The following CNBD1 variants were observed in gnomAD, a reference collection of about 807,000 sequenced individuals.
The protein encoded by CNBD1 is cyclic nucleotide binding domain containing 1.
A neutral mutation model predicts 54.4 loss-of-function variants in CNBD1; 71 were observed. The observed-to-expected ratio is 1.30, with a 90% CI of 1.08 to 1.59. The LOEUF (loss-of-function observed/expected upper bound fraction) is 1.59, where lower values mean the gene tolerates loss of function less well. CNBD1 is among the 40% of genes most tolerant of loss of function. CNBD1 has a pLI of 0.00. For synonymous variants in CNBD1, 182 were observed against 170.7 expected (o/e 1.07, Z -0.51); for missense variants, 659 against 518.0 (o/e 1.27, Z -2.64).
chr8:87,249,364 C>T (rs1563523562), intron 6 of CNBD1, among the ~76,000 whole-genome samples: 2 of 152,082 alleles, frequency 1.3e-5, no homozygotes, highest in Admixed American at 6.6e-5. Context: ...TTGCCCATTG[C>T]TTGTGCTGTG....
downstream of CNBD1, among the ~76,000 whole-genome samples, chr8:87,383,332 T>A (rs1273286499): frequency 6.6e-6 from 1 of 152,156 alleles, no homozygotes; most frequent in South Asian, 2.1e-4. Flanking sequence ...CCTGGTGCCA[T>A]GCCCATTTGA....
chr8:87,424,254 G>GT lies in CNBD1; in HGVS notation c.214-4286dup, dbSNP rs1268635256. ...CCTGGATTCATTAATTTTTTGAAGGGTTTTTTGTGTCTCTATTTCCTTCAG... is the reference window on the plus strand; with the variant it reads ...CCTGGATTCATTAATTTTTTGAAGGGTTTTTTTGTGTCTCTATTTCCTTCAG... On this transcript the variant is annotated intron_variant, in intron 2 of 7. Coordinates refer to the CNBD1 transcript ENST00000521593. 1.2e-4 allele frequency among the ~76,000 whole-genome samples: 18 copies of GT among 151,960 alleles called. No individual in the cohort carries two copies. In the Middle Eastern group the frequency reaches 0.017, roughly 145 times the overall value.
intron 3 of CNBD1, among the ~76,000 whole-genome samples, chr8:86,909,326 ACTTT>A (rs1809065840): frequency 6.6e-6 from 1 of 152,176 alleles, no homozygotes; most frequent in Admixed American, 6.5e-5. Flanking sequence ...TTATTTTAGA[ACTTT>A]CTTTTTCACA....
chr8:87,200,434 TAAATG>T (rs1197419554), intron 4 of CNBD1, among the ~76,000 whole-genome samples: 4 of 151,602 alleles, frequency 2.6e-5, no homozygotes, highest in South Asian at 2.1e-4. Flanking sequence ...CTAAAAGAAA[TAAATG>T]AAATAGAGAA....
At chr8:87,388,044 T>A (rs1811227821) in intron 2 of CNBD1, among the ~76,000 whole-genome samples, 1 of 152,198 alleles carries the variant, frequency 6.6e-6, no homozygotes, top group Admixed American at 6.5e-5. Flanking sequence ...ATAAAGATGT[T>A]CTTTGAAACA....
chr8:87,100,904 C>G (rs551120959), intron 4 of CNBD1, among the ~76,000 whole-genome samples: 1 of 152,164 alleles, frequency 6.6e-6, no homozygotes, highest in Non-Finnish European at 1.5e-5. Context: ...CTACCAAAAT[C>G]CTTGTCTTCC....
chr8:87,345,303 C>G (rs905120579), intron 8 of CNBD1, among the ~76,000 whole-genome samples: 1 of 152,156 alleles, frequency 6.6e-6, no homozygotes, highest in Non-Finnish European at 1.5e-5. Flanking sequence ...ATTTTTGGAA[C>G]TTGGTAATCA....
chr8:87,154,378 G>T (rs1166392789), intron 4 of CNBD1, among the ~76,000 whole-genome samples: 1 of 152,184 alleles, frequency 6.6e-6, no homozygotes, highest in Non-Finnish European at 1.5e-5. Context: ...ATCGGAAGCT[G>T]GTGAAGCAGA....
chr8:87,001,230 C>G (rs775006523), intron 4 of CNBD1, among the ~76,000 whole-genome samples: 35 of 151,772 alleles, frequency 2.3e-4, no homozygotes, highest in Non-Finnish European at 4.4e-4. Flanking sequence ...AATTTGTTTT[C>G]TTAGGTCTGC....
intron 6 of CNBD1, among the ~76,000 whole-genome samples, chr8:87,282,199 G>A (rs1397429559): frequency 3.7e-4 from 56 of 151,240 alleles, no homozygotes; most frequent in Non-Finnish European, 7.4e-5. Flanking sequence ...CCTAGCCCAA[G>A]AATATAAAGA....
intron 5 of CNBD1, among the ~76,000 whole-genome samples, chr8:87,235,743 C>T (rs1807573040): frequency 1.3e-5 from 2 of 152,070 alleles, no homozygotes; most frequent in Admixed American, 6.6e-5. Flanking sequence ...ACAAAGTGAG[C>T]ACATGCTGTT....
intron 2 of CNBD1, among the ~76,000 whole-genome samples, chr8:87,424,164 C>T (rs1479792925): frequency 6.6e-6 from 1 of 151,696 alleles, no homozygotes; most frequent in East Asian, 1.9e-4. Context: ...GACTCTTCTC[C>T]CTTTTTTCTT....
chr8:86,876,635 A>T (rs1289075521), intron 1 of CNBD1, among the ~76,000 whole-genome samples: 4 of 149,020 alleles, frequency 2.7e-5, no homozygotes, highest in Non-Finnish European at 5.9e-5. Context: ...TTAAAAGCTA[A>T]TTTTTTATTT....
intron 4 of CNBD1, among the ~76,000 whole-genome samples, chr8:87,090,650 T>A (rs753673749): frequency 4.6e-5 from 7 of 152,262 alleles, no homozygotes; most frequent in Non-Finnish European, 2.9e-5. Flanking sequence ...ATAAATTTAC[T>A]GATTGAATTT....
At chr8:87,076,664 G>A (rs1052332952) in intron 4 of CNBD1, among the ~76,000 whole-genome samples, 1 of 151,988 alleles carries the variant, frequency 6.6e-6, no homozygotes, top group Non-Finnish European at 1.5e-5. Flanking sequence ...GGATAGTCTC[G>A]ATCTCCTGAC....
intron 4 of CNBD1, among the ~76,000 whole-genome samples, chr8:87,170,786 A>G (rs1397589891): frequency 6.6e-6 from 1 of 152,106 alleles, no homozygotes; most frequent in African/African-American, 2.4e-5. Context: ...GTTTTTTCCC[A>G]TCATTCTGTT....
At chr8:87,262,178 A>G (rs928354370) in intron 6 of CNBD1, among the ~76,000 whole-genome samples, 1 of 152,098 alleles carries the variant, frequency 6.6e-6, no homozygotes, top group Non-Finnish European at 1.5e-5. Flanking sequence ...AACAAAACAA[A>G]AAACACAATA....
intron 6 of CNBD1, among the ~76,000 whole-genome samples, chr8:87,280,421 A>G (rs1238167116): frequency 6.6e-6 from 1 of 151,594 alleles, no homozygotes; most frequent in African/African-American, 2.4e-5. Flanking sequence ...ATGGAATAAT[A>G]TATTAGAAGT....
At chr8:87,114,139 T>C (rs975173608) in intron 4 of CNBD1, among the ~76,000 whole-genome samples, 4 of 152,170 alleles carry the variant, frequency 2.6e-5, no homozygotes, top group African/African-American at 9.7e-5. Flanking sequence ...TCAGTAATTT[T>C]TGAAAAGGTT....
Sources: allele counts gnomAD v4.1 joint callset (sites outside exome capture counted in the v4.1 genomes callset), GRCh38; gene constraint gnomAD v4.1.1; transcripts MANE v1.5; gene names NCBI Gene and HGNC (gene_info 2026-07-23, HGNC 2026-07-21).